TSPEAR: variants seen among roughly 807,000 people sequenced by gnomAD.
TSPEAR encodes thrombospondin-type laminin G domain and EAR repeat-containing protein.
A neutral mutation model predicts 71.6 loss-of-function variants in TSPEAR; 69 were observed. That is an observed-to-expected ratio of 0.96 (90% CI 0.79 to 1.18). The LOEUF (loss-of-function observed/expected upper bound fraction) is 1.18, where lower values mean the gene tolerates loss of function less well. TSPEAR is among the 50% of genes most tolerant of loss of function. TSPEAR has a pLI of 0.00. For missense variants in TSPEAR, 971 were observed against 894.9 expected (o/e 1.09, Z -1.09); for synonymous variants, 402 against 387.2 (o/e 1.04, Z -0.45).
At chr21:44,678,302 T>A (rs1485741015) in intron 1 of TSPEAR, among the ~76,000 whole-genome samples, 2 of 152,066 alleles carry the variant, frequency 1.3e-5, no homozygotes, top group African/African-American at 4.8e-5. Flanking sequence ...TTCTCATGAA[T>A]GGTTTAACAC....
At chr21:44,543,065 A>C (rs943610517) in intron 2 of TSPEAR, among the ~76,000 whole-genome samples, 1 of 152,176 alleles carries the variant, frequency 6.6e-6, no homozygotes, top group Non-Finnish European at 1.5e-5. Context: ...CCAAATGAGA[A>C]CAGAATAATG....
chr21:44,658,074 C>T, intron 1 of TSPEAR: 1 of 1,614,024 alleles, frequency 6.2e-7, no homozygotes, highest in African/African-American at 1.3e-5. Flanking sequence ...AGCTGCCAGT[C>T]CTCCGTGTGC....
At chr21:44,523,978 G>C (rs1345950171) in intron 8 of TSPEAR, among the ~76,000 whole-genome samples, 2 of 151,588 alleles carry the variant, frequency 1.3e-5, no homozygotes, top group African/African-American at 2.4e-5. Flanking sequence ...TAGTCAGGTA[G>C]CCAGTCATCA....
At chr21:44,574,552 C>T (rs782113210) in intron 1 of TSPEAR, 2 of 1,607,044 alleles carry the variant, frequency 1.2e-6, no homozygotes, top group Non-Finnish European at 8.5e-7. Flanking sequence ...ACCTCCTCTC[C>T]CTGCCAGCAG....
At chr21:44,646,335 G>A (rs1447836117) in intron 1 of TSPEAR, 1 of 1,385,258 alleles carries the variant, frequency 7.2e-7, no homozygotes, top group Middle Eastern at 2.7e-4. Flanking sequence ...GCCTCCTGTT[G>A]GGACAACACA....
chr21:44,603,918 G>A (rs1411732137), intron 1 of TSPEAR, among the ~76,000 whole-genome samples: 6 of 152,338 alleles, frequency 3.9e-5, no homozygotes, highest in Middle Eastern at 3.4e-3. Context: ...CACAATCAAA[G>A]TTTCCACCAA....
At chr21:44,657,240 C>G (rs1555942698) in intron 1 of TSPEAR, among the ~76,000 whole-genome samples, 1 of 152,178 alleles carries the variant, frequency 6.6e-6, no homozygotes, top group Non-Finnish European at 1.5e-5. Context: ...TTATTCATTG[C>G]CCACTGCTAG....
chr21:44,705,474 AAAAGC>A, intron 1 of TSPEAR, among the ~76,000 whole-genome samples: 1 of 152,388 alleles, frequency 6.6e-6, no homozygotes, highest in South Asian at 2.1e-4. Context: ...CTCTTCTTTC[AAAAGC>A]AAATGGGAGA....
At position 44,551,196 on chromosome 21, in the gene TSPEAR, G is replaced by T. The variant is rs199695232; in HGVS notation, c.303+16589C>A. On this transcript the variant is annotated intron_variant, in intron 2 of 11. Coordinates refer to ENST00000323084, the MANE Select transcript of TSPEAR (RefSeq NM_144991.3). ...CTGGCAGGGGGAGGAGGTGCAGCAA[G>T]CCGGCTGGCAGCTAGACTGCTGGCA... The T allele has an allele frequency of 2.3e-4, 370 of 1,587,750 alleles. 5 individuals are homozygous for T. In the East Asian group the frequency reaches 6.0e-3, roughly 26 times the overall value.
intron 3 of TSPEAR, 92 bp from the exon 4 acceptor site, chr21:44,531,225 A>T: frequency 1.0e-6 from 1 of 990,238 alleles, no homozygotes; most frequent in Non-Finnish European, 1.5e-6. Flanking sequence ...CTCACTAAGC[A>T]GCGTGCATCT....
chr21:44,504,816 T>C lies in TSPEAR; in HGVS notation c.1820A>G (p.Asp607Gly), dbSNP rs1250914494. The C allele has an allele frequency of 8.7e-6, 14 of 1,613,056 alleles. No homozygotes were observed. The highest frequency in any genetic ancestry group is 2.2e-5 in the East Asian group (1 of 44,818). Residue 607 changes from aspartate (D) to glycine (G), a missense_variant, in exon 11 of 12, where the codon GAT (aspartate) becomes GGT (glycine). Coordinates refer to ENST00000323084, the MANE Select transcript of TSPEAR (RefSeq NM_144991.3). ...DYFLVVANSF[D>G]GRTFSVNSII... is the part of the protein sequence containing the mutation. The stretch of plus-strand genomic sequence containing the variant: ...ACTGTTCACCGAGAAGGTACGCCCA[T>C]CGAAGGAGTTGGCCACCACCAGGAA...
At chr21:44,517,866 G>A (rs587658000) in intron 9 of TSPEAR, 2 of 471,208 alleles carry the variant, frequency 4.2e-6, no homozygotes, top group African/African-American at 2.0e-5. Flanking sequence ...CGCTCCTTGG[G>A]CTCAGCGCCC....
Position 44,707,301 on chromosome 21 carries a change from G to GT in TSPEAR, c.82+4131dup, listed in dbSNP as rs545691565. Among the ~76,000 whole-genome samples the GT allele has an allele frequency of 7.4e-5, 10 of 135,474 alleles. No homozygotes were observed. The East Asian group carries it at 1.0e-3, about 14-fold the overall frequency. The allele number at this position is 135,474 out of a possible 152,430, so 88.9% of individuals were successfully genotyped here. ...GATGGGGGTGGGGAAAGGACGCGGG[G>GT]TGGGGGGGGGTGCGGGGAGAGAGGA... On this transcript the variant is annotated intron_variant, in intron 1 of 11. Transcript: ENST00000323084.
chr21:44,608,486 G>T (rs1981452686), intron 1 of TSPEAR, among the ~76,000 whole-genome samples: 1 of 152,188 alleles, frequency 6.6e-6, no homozygotes, highest in South Asian at 2.1e-4. Flanking sequence ...GCCAGTTATT[G>T]AACGTTCACT....
chr21:44,592,732 C>G (rs587625437), intron 1 of TSPEAR, among the ~76,000 whole-genome samples: 2 of 152,288 alleles, frequency 1.3e-5, no homozygotes, highest in East Asian at 3.9e-4. Context: ...TGGGCGGGGC[C>G]TGGTCCCAGC....
rs782280284 is a variant in TSPEAR, at chr21:44,697,896, G to T, written c.82+13537C>A. The stretch of plus-strand genomic sequence containing the variant: ...AGCTGCGGCCGCCTGGCCTCCTGCG[G>T]GTCCCTCCTCTGCCGCCCCACATGT... On this transcript the variant is annotated intron_variant, in intron 1 of 11. Transcript: ENST00000323084. 8.7e-6 allele frequency: 14 copies of T among 1,602,766 alleles called. 1 individual carries two copies. In the South Asian group the frequency reaches 1.6e-4, roughly 18 times the overall value.
chr21:44,646,384 C>T (rs1319877319), intron 1 of TSPEAR: 3 of 1,543,726 alleles, frequency 1.9e-6, no homozygotes, highest in African/African-American at 2.7e-5. Context: ...GCCCTGAGCA[C>T]CTCACTCACT....
intron 2 of TSPEAR, chr21:44,551,524 G>A: frequency 6.5e-7 from 1 of 1,539,540 alleles, no homozygotes; most frequent in South Asian, 1.3e-5. Flanking sequence ...GTGAGTGTGT[G>A]AGTGAGTGTG....
Position 44,677,634 on chromosome 21 carries a change from T to A in TSPEAR, c.82+33799A>T, listed in dbSNP as rs1455127038. ...ATCAGTTTTTAAAGATTCCTCATGC[T>A]GAACCCCAGGGACCAACACTGTATC... On this transcript the variant is annotated intron_variant, in intron 1 of 11. Coordinates refer to ENST00000323084, the MANE Select transcript of TSPEAR (RefSeq NM_144991.3). The A allele has an allele frequency of 2.5e-6, 3 of 1,182,212 alleles. No homozygotes were observed. The African/African-American group carries it at 4.5e-5, about 18-fold the overall frequency. The allele number at this position is 1,182,212 out of a possible 1,614,324, so 73.2% of individuals were successfully genotyped here.
Sources: allele counts gnomAD v4.1 joint callset (sites outside exome capture counted in the v4.1 genomes callset), GRCh38; gene constraint gnomAD v4.1.1; transcripts MANE v1.5; gene names NCBI Gene and HGNC (gene_info 2026-07-23, HGNC 2026-07-21).